KRTCAP2: variants seen among roughly 807,000 people sequenced by gnomAD.
KRTCAP2 encodes keratinocyte associated protein 2.
Under a neutral mutation model 16.5 loss-of-function variants are expected in KRTCAP2, and 10 were observed. That is an observed-to-expected ratio of 0.60 (90% CI 0.37 to 1.02). The LOEUF (loss-of-function observed/expected upper bound fraction) is 1.02. Ranked by LOEUF, KRTCAP2 falls within the 50% of genes least tolerant of loss-of-function variation. KRTCAP2 has a pLI of 0.01. For missense variants in KRTCAP2, 152 were observed against 159.6 expected (o/e 0.95, Z 0.26); for synonymous variants, 68 against 69.8 (o/e 0.97, Z 0.13).
chr1:155,169,745 CA>C, intron 4 of KRTCAP2, 45 bp downstream of exon 4: 2 of 1,522,824 alleles, frequency 1.3e-6, no homozygotes, highest in South Asian at 1.2e-5. Flanking sequence ...GATCCAATGC[CA>C]AAAAACGGAA....
chr1:155,171,470 C>T (rs4971092), intron 3 of KRTCAP2: 871,357 of 983,950 alleles, frequency 0.89, 386,197 homozygotes, highest in East Asian at 0.99. Context: ...GGAAACAAAA[C>T]CTAACAGAGA....
At chr1:155,173,084 C>A (rs1665325218) in intron 1 of KRTCAP2, 137 bp downstream of exon 1, 1 of 970,842 alleles carries the variant, frequency 1.0e-6, no homozygotes, top group East Asian at 2.6e-5. Context: ...CACCCCGAAC[C>A]CTCCCGTCCG....
chr1:155,169,515 G>A lies in KRTCAP2; in HGVS notation c.336C>T (p.Ser112=), dbSNP rs758673456. 6.2e-7 allele frequency: 1 copy of A among 1,614,124 alleles called. No homozygotes were observed. The highest frequency in any genetic ancestry group is 2.2e-5 in the East Asian group (1 of 44,888). Residue 112 remains serine (S), a synonymous_variant, in exon 5 of 5, where the codon TCC becomes TCT. Coordinates refer to ENST00000295682, the MANE Select transcript of KRTCAP2 (RefSeq NM_173852.4). The stretch of plus-strand genomic sequence containing the variant: ...GAGCTGCTGCCTGGTACAGGGTGGA[G>A]GAGATCTTGTTGATGTAGTACAGAC... ...MVGLYYINKI[S]STLYQAAAPV...
intron 3 of KRTCAP2, chr1:155,170,873 G>C (rs1226967539): frequency 6.6e-6 from 1 of 152,070 alleles, no homozygotes; most frequent in Non-Finnish European, 1.5e-5. Flanking sequence ...CAGTGGTGCA[G>C]TTTCAGCTCA....
chr1:155,172,685 G>A, intron 2 of KRTCAP2, 53 bp downstream of exon 2: 3 of 1,614,110 alleles, frequency 1.9e-6, no homozygotes, highest in African/African-American at 1.3e-5. Flanking sequence ...GTGTGGGGAA[G>A]GGGAAGGGCA....
intron 3 of KRTCAP2, chr1:155,170,063 G>A (rs1288110955): frequency 6.2e-6 from 3 of 484,276 alleles, no homozygotes; most frequent in African/African-American, 3.9e-5. Flanking sequence ...GCTTGCACCT[G>A]GAATCCCAGC....
At chr1:155,172,380 T>A in intron 3 of KRTCAP2, 185 bp downstream of exon 3, 2 of 1,440,940 alleles carry the variant, frequency 1.4e-6, no homozygotes, top group Non-Finnish European at 1.8e-6. Context: ...AGGCCTTCTC[T>A]TCCAGCTCCA....
intron 3 of KRTCAP2, chr1:155,172,259 A>C: frequency 8.1e-7 from 1 of 1,233,894 alleles, no homozygotes; most frequent in African/African-American, 1.5e-5. Flanking sequence ...TCTGGTGGGA[A>C]CAAGGACCGC....
chr1:155,170,667 G>C (rs1350164525), intron 3 of KRTCAP2: 3 of 152,322 alleles, frequency 2.0e-5, no homozygotes, highest in Non-Finnish European at 4.4e-5. Flanking sequence ...AGGATTTTAG[G>C]TTACCTGGAA....
chr1:155,172,051 A>G, intron 3 of KRTCAP2: 1 of 991,484 alleles, frequency 1.0e-6, no homozygotes, highest in Non-Finnish European at 1.2e-6. Flanking sequence ...TCTTGATTAC[A>G]TGAGCAATTG....
chr1:155,173,179 A>ACC (rs372171451), intron 1 of KRTCAP2, 42 bp downstream of exon 1: 8 of 1,533,698 alleles, frequency 5.2e-6, no homozygotes, highest in Non-Finnish European at 7.2e-6. Context: ...CCAAACCCCG[A>ACC]CCCCCTCTAG....
chr1:155,172,551 C>T lies in KRTCAP2; in HGVS notation c.223+14G>A. 6.2e-7 allele frequency: 1 copy of T among 1,614,198 alleles called. No individual in the cohort carries two copies. The highest frequency in any genetic ancestry group is 8.5e-7 in the Non-Finnish European group (1 of 1,180,040). On this transcript the variant is annotated intron_variant, in intron 3 of 4. Transcript: ENST00000295682. The stretch of plus-strand genomic sequence containing the variant: ...GGAGAAAGTTCAAATACTCAAGCTC[C>T]AATATTCACTTACTCTCAGGGAAGA...
intron 2 of KRTCAP2, 38 bp downstream of exon 2, chr1:155,172,700 C>A: frequency 1.9e-6 from 3 of 1,614,160 alleles, no homozygotes; most frequent in Non-Finnish European, 2.5e-6. Flanking sequence ...AGGGCACATG[C>A]CTACGTGGCC....
rs757269090 is a variant in KRTCAP2, at chr1:155,169,498, G to T, written c.353C>A (p.Ala118Glu). The change falls in exon 5 of 5, where the codon GCA becomes GAA. Residue 118 changes from alanine to glutamate, a missense_variant. By Grantham distance (107) the Ala-to-Glu change is moderately radical. Transcript: ENST00000295682. The part of the protein sequence containing the change: ...INKISSTLYQ[A>E]AAPVLTPAKV... Reference sequence around the variant, plus strand: ...GGCTGGTGTGAGGACTGGAGCTGCTGCCTGGTACAGGGTGGAGGAGATCTT... The same window carrying T: ...GGCTGGTGTGAGGACTGGAGCTGCTTCCTGGTACAGGGTGGAGGAGATCTT... The T allele has an allele frequency of 1.4e-5, 23 of 1,613,976 alleles. No homozygotes were observed. Among genetic ancestry groups the T allele is most frequent in the Non-Finnish European group, 1.7e-5 (20 of 1,179,934 alleles).
chr1:155,172,503 A>G, intron 3 of KRTCAP2, 62 bp downstream of exon 3: 1 of 1,613,110 alleles, frequency 6.2e-7, no homozygotes, highest in South Asian at 1.1e-5. Flanking sequence ...GAAATTCAAT[A>G]TCATGTTTCA....
chr1:155,173,032 C>T lies in KRTCAP2; in HGVS notation c.5-140G>A, dbSNP rs866329108. On this transcript the variant is annotated intron_variant, in intron 1 of 4. Transcript: ENST00000295682. Reference sequence around the variant, plus strand: ...GGACTGCAGCCACACGCCCCAACTCCCCACACCGCGCGGCAACCCCTACGT... The same window carrying T: ...GGACTGCAGCCACACGCCCCAACTCTCCACACCGCGCGGCAACCCCTACGT... The T allele has an allele frequency of 2.2e-5, 22 of 1,021,348 alleles. No individual in the cohort carries two copies. The Middle Eastern group carries it at 1.2e-3, about 58-fold the overall frequency. 63.3% of individuals were successfully genotyped at this position (1,021,348 alleles called of 1,614,324 possible). A position where few individuals can be genotyped will look rare whatever the true frequency, so the allele number is the denominator to read the frequency against.
chr1:155,169,451 T>C lies in KRTCAP2; in HGVS notation c.400A>G (p.Lys134Glu). 3.7e-6 allele frequency: 6 copies of C among 1,614,050 alleles called. No homozygotes were observed. The highest frequency in any genetic ancestry group is 5.1e-6 in the Non-Finnish European group (6 of 1,179,956). ...TTGAACATTCAGGGTCAGTTTCTCT[T>C]CTTGCTCTTGCCTGTGACCTTGGCT... ...TPAKVTGKSK[K>E]RN The change falls in exon 5 of 5, where the codon AAG (lysine) becomes GAG (glutamate). Residue 134 changes from lysine to glutamate, a missense_variant. Coordinates refer to ENST00000295682, the MANE Select transcript of KRTCAP2 (RefSeq NM_173852.4).
At chr1:155,170,466 TG>T (rs1196894785) in intron 3 of KRTCAP2, 1 of 152,232 alleles carries the variant, frequency 6.6e-6, no homozygotes, top group African/African-American at 2.4e-5. Flanking sequence ...GGAAAGGTGA[TG>T]GACAACAGAG....
chr1:155,169,628 G>C (rs1384728048), intron 4 of KRTCAP2, 68 bp from the exon 5 acceptor site: 1 of 1,548,190 alleles, frequency 6.5e-7, no homozygotes, highest in Non-Finnish European at 8.9e-7. Flanking sequence ...TCCTAGGGAA[G>C]ACACTAGCAT....
Sources: gnomAD v4.1 joint callset for allele counts on GRCh38, gnomAD v4.1.1 for gene constraint, MANE v1.5 for transcripts, NCBI Gene and HGNC (gene_info 2026-07-23, HGNC 2026-07-21) for gene names.